The following PLXNC1 variants were observed in gnomAD, a reference collection of about 807,000 sequenced individuals.
The protein encoded by PLXNC1 is plexin-C1.
In PLXNC1, 75 loss-of-function variants were observed where a neutral mutation model predicts 178.2. The observed-to-expected ratio is 0.42, with a 90% CI of 0.35 to 0.51. The LOEUF is 0.51. Among genes scored for constraint, PLXNC1 ranks in the 20% least tolerant of loss-of-function variants. PLXNC1 has a pLI of 0.02. For synonymous variants in PLXNC1, 790 were observed against 779.9 expected (o/e 1.01, Z -0.22); for missense variants, 1,503 against 1,984.4 (o/e 0.76, Z 4.61).
In PLXNC1 at chr12:94,305,297, C is replaced by A. The variant is rs776336228; in HGVS notation, c.*12C>A. On this transcript the variant is annotated 3_prime_UTR_variant, in exon 31 of 31. Coordinates refer to ENST00000258526, the MANE Select transcript of PLXNC1 (RefSeq NM_005761.3). Reference sequence around the variant, plus strand: ...GCAAGTGGATGTAAGCACTCTGGGGCCTGGCTTAATCTGGCAAAGTTCTTC... The same window carrying A: ...GCAAGTGGATGTAAGCACTCTGGGGACTGGCTTAATCTGGCAAAGTTCTTC... The A allele has an allele frequency of 8.4e-6, 13 of 1,548,152 alleles. No individual in the cohort carries two copies. The highest frequency in any genetic ancestry group is 1.2e-5 in the Non-Finnish European group (13 of 1,125,038).
At chr12:94,168,507 T>G (rs75034656) in intron 1 of PLXNC1, among the ~76,000 whole-genome samples, 11,669 of 152,278 alleles carry the variant, frequency 0.077, 568 homozygotes, top group East Asian at 0.13. Flanking sequence ...TTAGACTTTT[T>G]GTTTTCCCCT....
intron 2 of PLXNC1, among the ~76,000 whole-genome samples, chr12:94,178,497 TA>T (rs1962185252): frequency 6.6e-6 from 1 of 152,212 alleles, no homozygotes; most frequent in Admixed American, 6.5e-5. Context: ...TCTTTCCCTA[TA>T]CAACTGCTTT....
At position 94,248,245 on chromosome 12, in the gene PLXNC1, A is replaced by C; in HGVS notation, c.2611A>C (p.Asn871His). The change falls in exon 14 of 31, where the codon AAC becomes CAC. Residue 871 changes from asparagine (N) to histidine (H), a missense_variant. Coordinates refer to ENST00000258526, the MANE Select transcript of PLXNC1 (RefSeq NM_005761.3). ...VKIQKENDNF[N>H]ISKKDIEITL... ...TTTACAGAAAGAAAATGACAACTTC[A>C]ACATTTCCAAAAAAGACATTGAAAT... 6.2e-7 allele frequency: 1 copy of C among 1,609,596 alleles called. No homozygotes were observed.
intron 4 of PLXNC1, among the ~76,000 whole-genome samples, chr12:94,191,077 A>G (rs939153990): frequency 1.3e-5 from 2 of 152,252 alleles, no homozygotes; most frequent in Non-Finnish European, 2.9e-5. Flanking sequence ...AGTTAAATGA[A>G]TGAGATAGGC....
intron 3 of PLXNC1, among the ~76,000 whole-genome samples, chr12:94,183,598 C>T (rs1163768182): frequency 6.6e-6 from 1 of 152,200 alleles, no homozygotes; most frequent in Non-Finnish European, 1.5e-5. Flanking sequence ...TTGATATCTT[C>T]CTTAATCCAT....
intron 9 of PLXNC1, among the ~76,000 whole-genome samples, chr12:94,231,835 TCTC>T (rs1438738305): frequency 6.6e-6 from 1 of 152,100 alleles, no homozygotes; most frequent in Non-Finnish European, 1.5e-5. Flanking sequence ...CCTGACCACT[TCTC>T]CTTCCATTTC....
rs111702072 is a variant in PLXNC1 at position 94,270,755 on chromosome 12, C to G, written c.3597+5530C>G. Among the ~76,000 whole-genome samples the G allele has an allele frequency of 1.8e-4, 27 of 148,494 alleles. 1 individual carries two copies. The highest frequency in any genetic ancestry group is 6.1e-4 in the African/African-American group (25 of 40,790). On this transcript the variant is annotated intron_variant, in intron 21 of 30. Coordinates refer to ENST00000258526, the MANE Select transcript of PLXNC1 (RefSeq NM_005761.3). ...AGAAACCTAAATTTGAGAAAATTAT[C>G]TCCATTACTTTTTTTTTTTTTTAAA...
chr12:94,269,870 C>A (rs912406879), intron 21 of PLXNC1, among the ~76,000 whole-genome samples: 7 of 152,186 alleles, frequency 4.6e-5, no homozygotes, highest in Admixed American at 4.6e-4. Flanking sequence ...TTTTTACAAT[C>A]ATTTTAGGTA....
chr12:94,299,475 T>C (rs17302436), intron 27 of PLXNC1, among the ~76,000 whole-genome samples: 10,720 of 152,194 alleles, frequency 0.07, 413 homozygotes, highest in Admixed American at 0.092. Context: ...TATCAAAAGC[T>C]GAAGTTCCTC....
intron 2 of PLXNC1, among the ~76,000 whole-genome samples, chr12:94,179,810 T>G (rs938201654): frequency 6.6e-5 from 10 of 152,012 alleles, no homozygotes; most frequent in African/African-American, 2.4e-4. Context: ...AACAGATTAT[T>G]ATCTATTGAC....
rs944091448 is a variant in PLXNC1, at chr12:94,275,595, T to A, written c.3598-3877T>A. 2.1e-4 allele frequency among the ~76,000 whole-genome samples: 18 copies of A among 86,138 alleles called. 4 individuals are homozygous for A. The highest frequency in any genetic ancestry group is 7.1e-5 in the Non-Finnish European group (3 of 42,520). 56.5% of individuals were successfully genotyped at this position (86,138 alleles called of 152,430 possible). On this transcript the variant is annotated intron_variant, in intron 21 of 30. Transcript: ENST00000258526. ...TTGGCCGGGCGCGGTGGCTCACGCC[T>A]GTAATCCCAGCACTTTGGGAGGCCG...
intron 5 of PLXNC1, among the ~76,000 whole-genome samples, chr12:94,213,362 G>A (rs1355681826): frequency 6.6e-6 from 1 of 152,168 alleles, no homozygotes; most frequent in East Asian, 1.9e-4. Context: ...GTGTGAGATG[G>A]TATCTCATTG....
chr12:94,198,930 T>A (rs557326050), intron 4 of PLXNC1, among the ~76,000 whole-genome samples: 1 of 152,252 alleles, frequency 6.6e-6, no homozygotes, highest in East Asian at 1.9e-4. Flanking sequence ...GAGGTTCTGA[T>A]GGGCACGAAT....
intron 5 of PLXNC1, among the ~76,000 whole-genome samples, chr12:94,212,059 G>C (rs1484187214): frequency 1.1e-4 from 16 of 152,002 alleles, no homozygotes; most frequent in Admixed American, 1.0e-3. Flanking sequence ...CGGATCACGA[G>C]GTCAGGAGAT....
chr12:94,280,026 G>A (rs1017416905), intron 22 of PLXNC1: 10 of 367,770 alleles, frequency 2.7e-5, no homozygotes, highest in Non-Finnish European at 5.3e-5. Context: ...CATTTGATTT[G>A]TTTGTTGTGA....
chr12:94,284,183 G>A (rs1460461892), intron 23 of PLXNC1, among the ~76,000 whole-genome samples: 1 of 152,070 alleles, frequency 6.6e-6, no homozygotes, highest in East Asian at 1.9e-4. Flanking sequence ...AGCAATTTGG[G>A]GAGAGTCAGA....
chr12:94,212,865 G>A (rs567371631), intron 5 of PLXNC1, among the ~76,000 whole-genome samples: 368 of 150,846 alleles, frequency 2.4e-3, no homozygotes, highest in African/African-American at 8.3e-3. Flanking sequence ...GACTACAGGC[G>A]CCCACCACTA....
intron 5 of PLXNC1, among the ~76,000 whole-genome samples, chr12:94,212,722 C>CTTTTTTTTTTTTTTT (rs538048142): frequency 1.5e-5 from 2 of 136,162 alleles, no homozygotes; most frequent in African/African-American, 2.7e-5. Context: ...CTTTTCTTTT[C>CTTTTTTTTTTTTTTT]TTTTTTTTTT....
At chr12:94,274,550 C>T (rs1429006048) in intron 21 of PLXNC1, among the ~76,000 whole-genome samples, 1 of 152,334 alleles carries the variant, frequency 6.6e-6, no homozygotes, top group Middle Eastern at 3.4e-3. Flanking sequence ...TGACACTTTC[C>T]TGCCAAGGAA....
Sources: allele counts gnomAD v4.1 joint callset (sites outside exome capture counted in the v4.1 genomes callset), GRCh38; gene constraint gnomAD v4.1.1; transcripts MANE v1.5; gene names NCBI Gene and HGNC (gene_info 2026-07-23, HGNC 2026-07-21).